Variants in PSG2 observed in about 807,000 individuals in gnomAD.
PSG2 encodes the protein pregnancy-specific beta-1-glycoprotein 2.
Under a neutral mutation model 36.2 loss-of-function variants are expected in PSG2, and 49 were observed. The observed-to-expected ratio is 1.35, with a 90% CI of 1.08 to 1.72. The LOEUF is 1.72. PSG2 is among the 40% of genes most tolerant of loss of function. The pLI is 0.00. For synonymous variants in PSG2, 261 were observed against 155.6 expected (o/e 1.68, Z -5.04); for missense variants, 605 against 407.2 (o/e 1.49, Z -4.18).
chr19:43,066,480 T>C lies in PSG2; in HGVS notation c.*40+37A>G, dbSNP rs193048510. On this transcript the variant is annotated intron_variant, in intron 5 of 5. Coordinates refer to ENST00000406487, the MANE Select transcript of PSG2 (RefSeq NM_031246.4). ...CCCTCTCCCAAGCATGGCAGTCAGC[T>C]CTGCAGGAACCAGGATAAGAGAAAA... 1.7e-4 allele frequency: 241 copies of C among 1,422,890 alleles called. 1 individual carries two copies. In the Admixed American group the frequency reaches 2.0e-3, roughly 12 times the overall value. 88.1% of individuals were successfully genotyped at this position (1,422,890 alleles called of 1,614,324 possible).
intron 3 of PSG2, among the ~76,000 whole-genome samples, chr19:43,073,720 A>T (rs1246742879): frequency 6.6e-6 from 1 of 151,652 alleles, no homozygotes; most frequent in Non-Finnish European, 1.5e-5. Flanking sequence ...AGTTTCAGTT[A>T]TGCAAGGTAG....
At chr19:43,066,349 C>T (rs1967738997) in intron 5 of PSG2, among the ~76,000 whole-genome samples, 168 bp downstream of exon 5, 1 of 151,520 alleles carries the variant, frequency 6.6e-6, no homozygotes, top group Admixed American at 6.6e-5. Context: ...GTACAGGGAG[C>T]ATAAAGGCCA....
intron 3 of PSG2, chr19:43,072,709 T>C (rs1271533128): frequency 5.7e-6 from 9 of 1,573,004 alleles, no homozygotes; most frequent in Non-Finnish European, 7.8e-6. Context: ...AGAGTTACCA[T>C]CTCCCACCTC....
At chr19:43,076,947 G>A (rs1054272649) in intron 2 of PSG2, among the ~76,000 whole-genome samples, 1 of 142,200 alleles carries the variant, frequency 7.0e-6, no homozygotes, top group African/African-American at 3.0e-5. Flanking sequence ...TGGTCAGAAG[G>A]GTTGAGTTTT....
At position 43,072,237 on chromosome 19, in the gene PSG2, T is replaced by C. The variant is rs1335518364; in HGVS notation, c.710-283A>G. 22 of 1,511,592 alleles carry C rather than the reference T, an allele frequency of 1.5e-5. 1 individual carries two copies. Among genetic ancestry groups the C allele is most frequent in the East Asian group, 4.5e-5 (2 of 44,196 alleles). 93.6% of individuals were successfully genotyped at this position (1,511,592 alleles called of 1,614,324 possible). On this transcript the variant is annotated intron_variant, in intron 3 of 5. Transcript: ENST00000406487. ...CCAGGGCAGGGAGTCATGGCCAGCT[T>C]GGATGTCCAGAAGTAAAGTTGTCTA... is the stretch of plus-strand genomic sequence containing the variant.
chr19:43,077,934 A>T (rs1368471369), intron 2 of PSG2, among the ~76,000 whole-genome samples: 1 of 151,620 alleles, frequency 6.6e-6, no homozygotes, highest in Non-Finnish European at 1.5e-5. Flanking sequence ...TATATGCCTG[A>T]CCGGAAGCCA....
At chr19:43,079,914 T>C (rs917373219) in intron 2 of PSG2, among the ~76,000 whole-genome samples, 4 of 151,666 alleles carry the variant, frequency 2.6e-5, no homozygotes, top group South Asian at 2.1e-4. Flanking sequence ...CTCCCCTTTG[T>C]GTTGGTGTGA....
intron 3 of PSG2, 138 bp downstream of exon 3, chr19:43,075,216 G>A: frequency 7.6e-6 from 12 of 1,570,402 alleles, no homozygotes; most frequent in Non-Finnish European, 1.0e-5. Context: ...TTTGCCTGGG[G>A]CAGAAAGTCA....
chr19:43,068,251 CT>C (rs1967767831), intron 4 of PSG2, among the ~76,000 whole-genome samples: 1 of 151,104 alleles, frequency 6.6e-6, no homozygotes, highest in South Asian at 2.1e-4. Flanking sequence ...CATAGGTAAC[CT>C]GGGGAGACGC....
At chr19:43,079,300 C>G (rs1967938414) in intron 2 of PSG2, among the ~76,000 whole-genome samples, 1 of 151,350 alleles carries the variant, frequency 6.6e-6, no homozygotes, top group Admixed American at 6.6e-5. Context: ...CCCTGAGAAC[C>G]CTCTGGTGGC....
chr19:43,082,618 C>T lies in PSG2; in HGVS notation c.-49G>A. The stretch of plus-strand genomic sequence containing the variant: ...CCTCTGTGGAGATGAGCCTAGGATC[C>T]AGAAACTTCCTGAGCACGGCTGTCA... On this transcript the variant is annotated 5_prime_UTR_variant, in exon 1 of 6. Coordinates refer to ENST00000406487, the MANE Select transcript of PSG2 (RefSeq NM_031246.4). The T allele has an allele frequency of 6.2e-7, 1 of 1,601,904 alleles. No individual in the cohort carries two copies. The highest frequency in any genetic ancestry group is 1.4e-5 in the African/African-American group (1 of 73,856).
chr19:43,073,871 G>A (rs2122905491), intron 3 of PSG2, among the ~76,000 whole-genome samples: 1 of 151,818 alleles, frequency 6.6e-6, no homozygotes, highest in Admixed American at 6.6e-5. Flanking sequence ...TATACTTACT[G>A]GTTTAGCATC....
intron 1 of PSG2, 189 bp downstream of exon 1, chr19:43,082,317 T>G: frequency 1.2e-6 from 1 of 866,004 alleles, no homozygotes; most frequent in South Asian, 1.7e-5. Context: ...ATTTTTTGTA[T>G]TTTTAGTAGA....
chr19:43,070,619 C>T (rs1967802200), intron 4 of PSG2, among the ~76,000 whole-genome samples: 1 of 151,398 alleles, frequency 6.6e-6, no homozygotes, highest in Non-Finnish European at 1.5e-5. Flanking sequence ...TTATATAATT[C>T]CATTTATAAA....
intron 1 of PSG2, among the ~76,000 whole-genome samples, chr19:43,081,470 C>G (rs1967974837): frequency 6.6e-6 from 1 of 151,236 alleles, no homozygotes; most frequent in Non-Finnish European, 1.5e-5. Context: ...AGGTCAGCAG[C>G]ATGACCCCCA....
At chr19:43,080,074 T>TG (rs1388790481) in intron 2 of PSG2, among the ~76,000 whole-genome samples, 1 of 151,334 alleles carries the variant, frequency 6.6e-6, no homozygotes, top group East Asian at 1.9e-4. Context: ...ACAGTGGAGG[T>TG]TTCACACAAA....
At chr19:43,070,711 T>G (rs367576849) in intron 4 of PSG2, among the ~76,000 whole-genome samples, 4 of 151,622 alleles carry the variant, frequency 2.6e-5, no homozygotes, top group South Asian at 4.1e-4. Context: ...GAGTGAGAGT[T>G]ACTGTTTATT....
intron 4 of PSG2, among the ~76,000 whole-genome samples, chr19:43,070,077 A>G (rs1967794767): frequency 6.6e-6 from 1 of 151,738 alleles, no homozygotes; most frequent in African/African-American, 2.4e-5. Context: ...CAGTAAGCCC[A>G]TGCAAAGTTC....
chr19:43,077,555 C>T (rs1211096450), intron 2 of PSG2, among the ~76,000 whole-genome samples: 2 of 151,566 alleles, frequency 1.3e-5, no homozygotes, highest in Non-Finnish European at 2.9e-5. Flanking sequence ...CATGTGTCTC[C>T]CCACAAGAAG....
Sources: gnomAD v4.1 joint callset for allele counts (sites outside exome capture counted in the v4.1 genomes callset) on GRCh38, gnomAD v4.1.1 for gene constraint, MANE v1.5 for transcripts, NCBI Gene and HGNC (gene_info 2026-07-23, HGNC 2026-07-21) for gene names.